Variants in PAX7 observed in about 807,000 individuals in gnomAD.
The protein encoded by PAX7 is paired box protein Pax-7.
In PAX7, 18 loss-of-function variants were observed where a neutral mutation model predicts 50.7. The ratio of observed to expected loss-of-function variants is 0.36; its 90% CI spans 0.25 to 0.53. PAX7 has a LOEUF of 0.53. PAX7 is among the 20% of genes least tolerant of loss of function. The pLI, the probability that PAX7 is intolerant of heterozygous loss-of-function variation, is 0.93. For missense variants in PAX7, 644 were observed against 702.9 expected, an observed-to-expected ratio of 0.92 and a Z score of 0.95; for synonymous variants, 310 against 290.4, an observed-to-expected ratio of 1.07 and a Z score of -0.69.
At chr1:18,671,046 C>T (rs957967488) in intron 4 of PAX7, among the ~76,000 whole-genome samples, 3 of 152,160 alleles carry the variant, frequency 2.0e-5, no homozygotes, top group East Asian at 1.9e-4. Context: ...CATACCCCCT[C>T]GCTCCCTCCC....
rs997777732 is a variant in PAX7 at position 18,720,556 on chromosome 1, G to A, written c.1156-15076G>A. ...ACAGACAGACCCAGAGAGAGCTGGG[G>A]TATGAGGTGCTGATGGAGAGAAGGG... is the stretch of plus-strand genomic sequence containing the variant. On this transcript the variant is annotated intron_variant, in intron 7 of 8. Transcript: ENST00000420770. 5.3e-5 allele frequency among the ~76,000 whole-genome samples: 8 copies of A among 152,106 alleles called. 1 individual carries two copies. Among genetic ancestry groups the A allele is most frequent in the African/African-American group, 1.9e-4 (8 of 41,402 alleles).
rs549280757 is a variant in PAX7 at position 18,655,770 on chromosome 1, G to GGTGTGTGTGT, written c.586+19430_586+19439dup. Among the ~76,000 whole-genome samples the GGTGTGTGTGT allele has an allele frequency of 3.8e-3, 552 of 143,670 alleles. 1 individual carries two copies. The highest frequency in any genetic ancestry group is 0.019 in the East Asian group (92 of 4,854). The allele number at this position is 143,670 out of a possible 152,430, so 94.3% of individuals were successfully genotyped here. On this transcript the variant is annotated intron_variant, in intron 4 of 8. Transcript: ENST00000420770. ...AGAGCCACTGGGGAGACTTGGAGAGGGTGTGTGTGTGTGTGTGTGTGTGTG... is the reference window on the plus strand; with the variant it reads ...AGAGCCACTGGGGAGACTTGGAGAGGGTGTGTGTGTGTGTGTGTGTGTGTGTGTGTGTGTG...
intron 4 of PAX7, among the ~76,000 whole-genome samples, chr1:18,663,634 G>A (rs1434354932): frequency 4.6e-5 from 7 of 152,222 alleles, no homozygotes; most frequent in South Asian, 2.1e-4. Context: ...CACCCGTCTC[G>A]GCCTCCCAAA....
chr1:18,647,205 G>A (rs1219297594), intron 4 of PAX7, among the ~76,000 whole-genome samples: 1 of 152,172 alleles, frequency 6.6e-6, no homozygotes, highest in African/African-American at 2.4e-5. Flanking sequence ...CGGAGGGGAG[G>A]GGGGCAAAGG....
chr1:18,640,460 C>T (rs1346969338), intron 4 of PAX7, among the ~76,000 whole-genome samples: 1 of 135,066 alleles, frequency 7.4e-6, no homozygotes, highest in African/African-American at 2.9e-5. Flanking sequence ...ACGGGATCTT[C>T]GAAAACCAGG....
rs549133578 is a variant in PAX7 at position 18,700,801 on chromosome 1, C to G, written c.935C>G (p.Thr312Ser). 1.3e-6 allele frequency: 2 copies of G among 1,546,460 alleles called. No individual in the cohort carries two copies. The highest frequency in any genetic ancestry group is 2.4e-5 in the South Asian group (2 of 82,650). The change falls in exon 6 of 9, where the codon ACC becomes AGC. Residue 312 changes from threonine to serine, a missense_variant. Transcript: ENST00000420770. This position sits in a 1 kb window ranked among gnomAD's most constrained non-coding sequence, Gnocchi z 4.8. ...CAGCTGCCGGACTCCACCTACCCCA[C>G]CACCACCATCTCCCAAGGTGAGTGT... ...PYQLPDSTYPTTTISQDGGST... is the reference protein window; with the variant it reads ...PYQLPDSTYPSTTISQDGGST...
Position 18,745,012 on chromosome 1 carries a change from C to G in PAX7, c.*83C>G. 1 of 783,928 alleles carries G rather than the reference C, an allele frequency of 1.3e-6. No homozygotes were observed. The highest frequency in any genetic ancestry group is 2.1e-6 in the Non-Finnish European group (1 of 468,348). The allele number at this position is 783,928 out of a possible 1,614,324, so 48.6% of individuals were successfully genotyped here. A position where few individuals can be genotyped will look rare whatever the true frequency, so the allele number is the denominator to read the frequency against. On this transcript the variant is annotated 3_prime_UTR_variant, in exon 9 of 9. Transcript: ENST00000420770. ...AGCTTCCCAGCCTTGCCGCCTCACC[C>G]CCCTGTTGTCCTAGGAGGCCAGGAA...
In PAX7 at chr1:18,687,614, C is replaced by T. The variant is rs143804931; in HGVS notation, c.587-4140C>T. ...TCTCTTCCCCTGAGCTTGGCCAAGG[C>T]GGGTAGTGGATGCTCTTTTTTAGGG... On this transcript the variant is annotated intron_variant, in intron 4 of 8. Transcript: ENST00000420770. Among the ~76,000 whole-genome samples the T allele has an allele frequency of 2.8e-3, 426 of 152,162 alleles. 3 individuals carry two copies. The South Asian group carries it at 0.03, about 11-fold the overall frequency.
intron 4 of PAX7, among the ~76,000 whole-genome samples, chr1:18,667,450 G>GGAAGGAAGGAAC (rs1352059845): frequency 6.8e-6 from 1 of 147,112 alleles, no homozygotes; most frequent in African/African-American, 2.5e-5. Context: ...AAGGAAGGAA[G>GGAAGGAAGGAAC]GAGCTTTGGT....
chr1:18,671,767 C>T (rs946362051), intron 4 of PAX7, among the ~76,000 whole-genome samples: 46 of 149,950 alleles, frequency 3.1e-4, no homozygotes, highest in Admixed American at 1.3e-3. Flanking sequence ...GAGGATCACT[C>T]GAGGCCAGGA....
At chr1:18,739,703 A>G (rs989007736) in intron 8 of PAX7, among the ~76,000 whole-genome samples, 2 of 152,208 alleles carry the variant, frequency 1.3e-5, no homozygotes, top group Non-Finnish European at 2.9e-5. Context: ...TAGGCCCCAG[A>G]GTACTCCTCC....
At chr1:18,635,277 G>A (rs758972552) in intron 3 of PAX7, 37 bp downstream of exon 3, 23 of 1,610,690 alleles carry the variant, frequency 1.4e-5, no homozygotes, top group Non-Finnish European at 1.3e-5. Flanking sequence ...CTGGCCCAGA[G>A]TGTGGCCAGG....
intron 8 of PAX7, among the ~76,000 whole-genome samples, chr1:18,736,863 G>C (rs1466189376): frequency 1.3e-5 from 2 of 152,208 alleles, no homozygotes; most frequent in Non-Finnish European, 1.5e-5. Context: ...AGTCGCACTA[G>C]CCACATTTCA....
At chr1:18,671,978 TAAA>T (rs879442415) in intron 4 of PAX7, among the ~76,000 whole-genome samples, 1 of 143,916 alleles carries the variant, frequency 6.9e-6, no homozygotes, top group East Asian at 2.0e-4. Flanking sequence ...CCCTGTCTCT[TAAA>T]AAAAAAAAAG....
chr1:18,631,757 G>A, intron 1 of PAX7, 69 bp downstream of exon 1: 3 of 1,269,928 alleles, frequency 2.4e-6, no homozygotes, highest in East Asian at 4.8e-5. Flanking sequence ...GAGAGGCTGC[G>A]GTCTCCAGGG....
chr1:18,682,945 T>A (rs1016926791), intron 4 of PAX7, among the ~76,000 whole-genome samples: 1 of 152,166 alleles, frequency 6.6e-6, no homozygotes, highest in East Asian at 1.9e-4. Flanking sequence ...CCTGCACAGC[T>A]GCCCAGCTGC....
chr1:18,744,659 CGGATGGAT>C (rs57915192), intron 8 of PAX7, among the ~76,000 whole-genome samples, 147 bp from the exon 9 acceptor site: 3 of 90,914 alleles, frequency 3.3e-5, no homozygotes, highest in East Asian at 6.9e-4. Flanking sequence ...GTAGACAGGA[CGGATGGAT>C]GGATGGATGG....
intron 4 of PAX7, among the ~76,000 whole-genome samples, chr1:18,639,551 C>T (rs954450987): frequency 2.0e-5 from 3 of 152,104 alleles, no homozygotes; most frequent in African/African-American, 7.2e-5. Flanking sequence ...ACTTAGACTC[C>T]CTCCTCTTCA....
Position 18,636,391 on chromosome 1 carries a change from T to G in PAX7, c.586+20T>G. 1.2e-6 allele frequency: 2 copies of G among 1,610,054 alleles called. No homozygotes were observed. Among genetic ancestry groups the G allele is most frequent in the Non-Finnish European group, 8.5e-7 (1 of 1,177,096 alleles). On this transcript the variant is annotated intron_variant, in intron 4 of 8. Transcript: ENST00000420770. The surrounding 1 kb of genome is among the most constrained non-coding windows in gnomAD (Gnocchi z 5.1). ...ACAAAGGTAGGGAACTTCCCTGGGC[T>G]GCGAGGCCCCAGCCCGGGTTTTCCC...
Sources: gnomAD v4.1 joint callset for allele counts (sites outside exome capture counted in the v4.1 genomes callset) on GRCh38, gnomAD v4.1.1 for gene constraint, Gnocchi (gnomAD v3.1) non-coding constraint, MANE v1.5 for transcripts, NCBI Gene and HGNC (gene_info 2026-07-23, HGNC 2026-07-21) for gene names.